Variants in ZFHX3 observed in about 807,000 individuals in gnomAD.
ZFHX3 encodes the protein zinc finger homeobox 3.
Under a neutral mutation model 279.1 loss-of-function variants are expected in ZFHX3, and 42 were observed. That is an observed-to-expected ratio of 0.15 (90% confidence interval 0.12 to 0.19). The LOEUF (loss-of-function observed/expected upper bound fraction) is 0.19. ZFHX3 is among the 10% of genes least tolerant of loss of function. The probability of loss-of-function intolerance (pLI) is 1.00; values close to 1 mark genes in which losing one functional copy is unlikely to be tolerated. For synonymous variants in ZFHX3, 2,293 were observed against 1,957.8 expected (o/e 1.17, Z -4.52); for missense variants, 4,981 against 4,754.0 (o/e 1.05, Z -1.40).
chr16:73,689,815 TTG>T (rs2053128881), intron 1 of ZFHX3, among the ~76,000 whole-genome samples: 1 of 150,846 alleles, frequency 6.6e-6, no homozygotes, highest in African/African-American at 2.4e-5. Context: ...TTTTTGTTTT[TTG>T]TTTTTTTTGT....
At chr16:73,056,767 A>G (rs748300976) in intron 1 of ZFHX3, among the ~76,000 whole-genome samples, 4 of 152,192 alleles carry the variant, frequency 2.6e-5, no homozygotes, top group East Asian at 1.9e-4. Flanking sequence ...ACGCTGCCCT[A>G]TTGATTATGC....
At chr16:73,626,263 A>G (rs2052415674) in intron 2 of ZFHX3, among the ~76,000 whole-genome samples, 1 of 152,162 alleles carries the variant, frequency 6.6e-6, no homozygotes, top group South Asian at 2.1e-4. Flanking sequence ...ACCTCTCTCT[A>G]TCTTCCATAA....
chr16:73,873,585 A>G (rs571199463), intron 1 of ZFHX3, among the ~76,000 whole-genome samples: 1 of 152,162 alleles, frequency 6.6e-6, no homozygotes, highest in South Asian at 2.1e-4. Context: ...GAAAAAAAAC[A>G]TATTTACCTT....
chr16:73,781,451 T>G (rs1349326415), intron 1 of ZFHX3, among the ~76,000 whole-genome samples: 1 of 151,928 alleles, frequency 6.6e-6, no homozygotes, highest in Non-Finnish European at 1.5e-5. Flanking sequence ...GCCCACTGCT[T>G]GTATTTGTAA....
chr16:72,966,001 T>A (rs904149145), intron 1 of ZFHX3, among the ~76,000 whole-genome samples: 2 of 152,368 alleles, frequency 1.3e-5, no homozygotes, highest in Non-Finnish European at 2.9e-5. Flanking sequence ...ATTTATCATT[T>A]CTTTATATCC....
chr16:73,444,606 T>C lies in ZFHX3; in HGVS notation c.-1291+11397A>G, dbSNP rs2018149586. On this transcript the variant is annotated intron_variant, in intron 3 of 17. Transcript: ENST00000641206. ...TGTTAAAATCAGTAGAATATCTTTA[T>C]AAAAGGACATTACTTGAAAGTTGAA... Among the ~76,000 whole-genome samples, 2 of 152,212 alleles carry C rather than the reference T, an allele frequency of 1.3e-5. 1 individual carries two copies. The highest frequency in any genetic ancestry group is 4.1e-4 in the South Asian group (2 of 4,832).
chr16:73,159,100 G>A lies in ZFHX3; in HGVS notation c.-1103-15269C>T, dbSNP rs1597191442. On this transcript the variant is annotated intron_variant, in intron 5 of 17. Transcript: ENST00000641206. The stretch of plus-strand genomic sequence containing the variant: ...AAATGAGATCTAATTGAACTAAAGA[G>A]CATCTGCACAACAAAAGAAACTGTC... Among the ~76,000 whole-genome samples the A allele has an allele frequency of 2.0e-5, 3 of 152,220 alleles. No individual in the cohort carries two copies. The Middle Eastern group carries it at 0.01, about 518-fold the overall frequency.
intron 3 of ZFHX3, among the ~76,000 whole-genome samples, chr16:73,375,686 T>G (rs2016710234): frequency 1.3e-5 from 2 of 152,210 alleles, no homozygotes; most frequent in South Asian, 4.1e-4. Context: ...CTTTTCTCCA[T>G]GCTAAAAAAT....
chr16:73,788,775 C>T (rs762380580), intron 1 of ZFHX3, among the ~76,000 whole-genome samples: 1 of 149,948 alleles, frequency 6.7e-6, no homozygotes, highest in Non-Finnish European at 1.5e-5. Context: ...GAAATAGAGA[C>T]CATCCTGGCT....
At chr16:72,982,511 A>G (rs1046760255) in intron 1 of ZFHX3, among the ~76,000 whole-genome samples, 2 of 152,236 alleles carry the variant, frequency 1.3e-5, no homozygotes, top group African/African-American at 4.8e-5. Context: ...CAAAACATGT[A>G]TCATCTAAAT....
chr16:73,412,873 G>A (rs1235885552), intron 3 of ZFHX3, among the ~76,000 whole-genome samples: 1 of 152,178 alleles, frequency 6.6e-6, no homozygotes, highest in African/African-American at 2.4e-5. Context: ...TGTTTTCTTA[G>A]GGCAAGATCT....
intron 1 of ZFHX3, among the ~76,000 whole-genome samples, chr16:73,817,157 C>G (rs963040628): frequency 5.0e-4 from 76 of 152,256 alleles, no homozygotes; most frequent in African/African-American, 1.8e-3. Flanking sequence ...ACTTCACATG[C>G]AGCCACGTGC....
At chr16:73,141,572 A>AT (rs898930153) in intron 6 of ZFHX3, among the ~76,000 whole-genome samples, 5 of 151,726 alleles carry the variant, frequency 3.3e-5, no homozygotes, top group Non-Finnish European at 7.4e-5. Flanking sequence ...TAATTTCTAA[A>AT]TTTTTTGTTG....
At chr16:73,686,481 G>C (rs1482589440) in intron 1 of ZFHX3, among the ~76,000 whole-genome samples, 1 of 152,074 alleles carries the variant, frequency 6.6e-6, no homozygotes, top group African/African-American at 2.4e-5. Context: ...GCAAAACTTG[G>C]ACCTATAGTC....
chr16:73,842,544 T>C (rs1961337418), intron 1 of ZFHX3, among the ~76,000 whole-genome samples: 1 of 152,262 alleles, frequency 6.6e-6, no homozygotes, highest in African/African-American at 2.4e-5. Flanking sequence ...CTGTCCCCTC[T>C]GACTCCACCA....
chr16:73,043,036 C>T (rs914895920), intron 1 of ZFHX3, among the ~76,000 whole-genome samples: 13 of 152,034 alleles, frequency 8.6e-5, no homozygotes, highest in Non-Finnish European at 2.9e-5. Context: ...CCCAAACCAC[C>T]AGCAGCCAGG....
intron 3 of ZFHX3, among the ~76,000 whole-genome samples, chr16:73,441,276 G>C (rs2018088121): frequency 6.6e-6 from 1 of 151,986 alleles, no homozygotes; most frequent in South Asian, 2.1e-4. Context: ...AAAATAAAGG[G>C]TATAATAATT....
At chr16:72,836,987 G>A (rs1043956816) in intron 4 of ZFHX3, among the ~76,000 whole-genome samples, 4 of 152,118 alleles carry the variant, frequency 2.6e-5, no homozygotes, top group Non-Finnish European at 4.4e-5. Context: ...AAACTCCAGC[G>A]CATGAATAAA....
At chr16:72,919,669 C>T (rs2039532798) in intron 3 of ZFHX3, among the ~76,000 whole-genome samples, 1 of 147,752 alleles carries the variant, frequency 6.8e-6, no homozygotes, top group Admixed American at 6.8e-5. Context: ...GTCTATCTAT[C>T]TAAAATATAC....
Sources: gnomAD v4.1 joint callset for allele counts (sites outside exome capture counted in the v4.1 genomes callset) on GRCh38, gnomAD v4.1.1 for gene constraint, MANE v1.5 for transcripts, NCBI Gene and HGNC (gene_info 2026-07-23, HGNC 2026-07-21) for gene names.